SLC24A2: variants seen among roughly 807,000 people sequenced by gnomAD.
SLC24A2 encodes the protein sodium/potassium/calcium exchanger 2.
A neutral mutation model predicts 62.0 loss-of-function variants in SLC24A2; 36 were observed. The observed-to-expected ratio is 0.58, with a 90% CI of 0.44 to 0.77. SLC24A2 has a LOEUF of 0.77. Ranked by LOEUF, SLC24A2 falls within the 30% of genes least tolerant of loss-of-function variation. The pLI is 0.00. For missense variants in SLC24A2, 846 were observed against 817.9 expected (o/e 1.03, Z -0.42); for synonymous variants, 358 against 294.0 (o/e 1.22, Z -2.23).
At chr9:19,867,737 G>A in the SLC24A2 span, among the ~76,000 whole-genome samples, 1 of 151,984 alleles carries the variant, frequency 6.6e-6, no homozygotes, top group Non-Finnish European at 1.5e-5. Flanking sequence ...GTGAAACCCC[G>A]TCTCTACTAA....
the SLC24A2 span, among the ~76,000 whole-genome samples, chr9:19,825,844 C>A: frequency 6.6e-6 from 1 of 151,832 alleles, no homozygotes; most frequent in African/African-American, 2.4e-5. Context: ...TCAATTTTAT[C>A]TTGGTAAGAG....
the SLC24A2 span, among the ~76,000 whole-genome samples, chr9:20,019,155 A>AAGAAAGAAAGAGAGAGAG: frequency 7.7e-5 from 9 of 117,184 alleles, no homozygotes; most frequent in Admixed American, 2.6e-4. Context: ...GAAAGAAAGA[A>AAGAAAGAAAGAGAGAGAG]AGAGAGAGAG....
chr9:20,228,352 C>T, the SLC24A2 span, among the ~76,000 whole-genome samples: 88 of 152,104 alleles, frequency 5.8e-4, no homozygotes, highest in Admixed American at 1.4e-3. Context: ...AAGTACAGAG[C>T]GCTCTGAGTT....
the SLC24A2 span, among the ~76,000 whole-genome samples, chr9:20,195,842 A>T: frequency 4.6e-5 from 2 of 43,496 alleles, no homozygotes; most frequent in Non-Finnish European, 7.7e-5. Context: ...AGATTAAAAG[A>T]AAAAAAAATT....
At chr9:20,143,387 C>T in the SLC24A2 span, among the ~76,000 whole-genome samples, 2 of 152,194 alleles carry the variant, frequency 1.3e-5, no homozygotes, top group Non-Finnish European at 2.9e-5. Context: ...CAAATTGCCT[C>T]AGCTGCTGCA....
the SLC24A2 span, among the ~76,000 whole-genome samples, chr9:20,163,131 G>A: frequency 6.6e-6 from 1 of 152,032 alleles, no homozygotes; most frequent in Non-Finnish European, 1.5e-5. Context: ...TTCTGGCCAG[G>A]GCAATTAGGC....
intron 2 of SLC24A2, among the ~76,000 whole-genome samples, chr9:19,746,671 C>G (rs1025323726): frequency 1.3e-5 from 2 of 152,148 alleles, no homozygotes; most frequent in African/African-American, 2.4e-5. Flanking sequence ...TTTCTGTCCT[C>G]ACTTGTTTAT....
the SLC24A2 span, among the ~76,000 whole-genome samples, chr9:20,037,905 G>T: frequency 6.6e-6 from 1 of 152,124 alleles, no homozygotes; most frequent in East Asian, 1.9e-4. Context: ...AAATGCTGAG[G>T]TTTGAAAATC....
At chr9:20,124,946 T>G in the SLC24A2 span, among the ~76,000 whole-genome samples, 1 of 152,190 alleles carries the variant, frequency 6.6e-6, no homozygotes, top group Admixed American at 6.6e-5. Flanking sequence ...AGTAGCACCT[T>G]GTTATGGTAG....
the SLC24A2 span, among the ~76,000 whole-genome samples, chr9:20,092,075 A>T: frequency 6.6e-6 from 1 of 152,098 alleles, no homozygotes; most frequent in Non-Finnish European, 1.5e-5. Flanking sequence ...GGAACAACAG[A>T]CCCTGGGGCC....
intron 4 of SLC24A2, among the ~76,000 whole-genome samples, chr9:19,601,325 C>G (rs554183895): frequency 6.6e-6 from 1 of 152,180 alleles, no homozygotes; most frequent in Admixed American, 6.5e-5. Flanking sequence ...TCTGATAGGA[C>G]AGAAATCGAA....
chr9:19,663,144 T>C (rs1762102966), intron 2 of SLC24A2, among the ~76,000 whole-genome samples: 1 of 152,126 alleles, frequency 6.6e-6, no homozygotes, highest in South Asian at 2.1e-4. Context: ...GAACTTTAAT[T>C]CTCCTGACAC....
At chr9:19,879,254 C>T in the SLC24A2 span, among the ~76,000 whole-genome samples, 1 of 152,048 alleles carries the variant, frequency 6.6e-6, no homozygotes, top group Non-Finnish European at 1.5e-5. Context: ...GGCTGGGAGT[C>T]AAGGAAGCAA....
the SLC24A2 span, among the ~76,000 whole-genome samples, chr9:20,093,431 CT>C: frequency 6.6e-6 from 1 of 151,904 alleles, no homozygotes; most frequent in Non-Finnish European, 1.5e-5. Context: ...TTGAGTTACT[CT>C]TTTTTGTCTG....
the SLC24A2 span, among the ~76,000 whole-genome samples, chr9:19,952,728 A>G: frequency 3.8e-4 from 53 of 140,394 alleles, no homozygotes; most frequent in African/African-American, 1.4e-3. Context: ...TTCTTTGTCT[A>G]TATTCAGTAC....
At chr9:20,138,285 T>C in the SLC24A2 span, among the ~76,000 whole-genome samples, 1 of 152,230 alleles carries the variant, frequency 6.6e-6, no homozygotes, top group African/African-American at 2.4e-5. Flanking sequence ...ATGTGCTTTG[T>C]CATTTGATTT....
chr9:19,874,003 A>G, the SLC24A2 span, among the ~76,000 whole-genome samples: 1 of 152,036 alleles, frequency 6.6e-6, no homozygotes, highest in Non-Finnish European at 1.5e-5. Context: ...ATGGCTGAAA[A>G]CTACAGATTT....
At chr9:19,595,369 ACC>A (rs1421908245) in intron 5 of SLC24A2, among the ~76,000 whole-genome samples, 2 of 152,202 alleles carry the variant, frequency 1.3e-5, no homozygotes, top group African/African-American at 4.8e-5. Context: ...TGCAGTTATT[ACC>A]CATCACTGTA....
intron 7 of SLC24A2, among the ~76,000 whole-genome samples, chr9:19,563,193 A>C (rs1459602941): frequency 2.0e-5 from 3 of 152,022 alleles, no homozygotes; most frequent in Admixed American, 1.3e-4. Context: ...CTCCCCCAGC[A>C]CTGCTCTTGT....
Sources: gnomAD v4.1 joint callset for allele counts (sites outside exome capture counted in the v4.1 genomes callset) on GRCh38, gnomAD v4.1.1 for gene constraint, MANE v1.5 for transcripts, NCBI Gene and HGNC (gene_info 2026-07-23, HGNC 2026-07-21) for gene names.